Variants in CYRIA observed in about 807,000 individuals in gnomAD.
CYRIA encodes CYFIP related Rac1 interactor A.
Under a neutral mutation model 43.9 loss-of-function variants are expected in CYRIA, and 15 were observed. The ratio of observed to expected loss-of-function variants is 0.34; its 90% CI spans 0.23 to 0.53. The LOEUF (loss-of-function observed/expected upper bound fraction) is 0.53. CYRIA is among the 20% of genes least tolerant of loss of function. CYRIA has a pLI of 0.94. For synonymous variants in CYRIA, 117 were observed against 136.0 expected (o/e 0.86, Z 0.97); for missense variants, 236 against 394.2 (o/e 0.60, Z 3.40).
At chr2:16,572,710 T>A (rs1397828532) in intron 3 of CYRIA, among the ~76,000 whole-genome samples, 1 of 152,218 alleles carries the variant, frequency 6.6e-6, no homozygotes, top group African/African-American at 2.4e-5. Context: ...CTTTAGAATT[T>A]CTTTCTTTAC....
chr2:16,562,891 C>T (rs1381680028), intron 5 of CYRIA, among the ~76,000 whole-genome samples: 1 of 152,126 alleles, frequency 6.6e-6, no homozygotes, highest in African/African-American at 2.4e-5. Context: ...ATGAGAGTGG[C>T]AGAGGCGAGT....
intron 3 of CYRIA, among the ~76,000 whole-genome samples, chr2:16,575,774 T>C (rs1167449181): frequency 6.6e-6 from 1 of 151,908 alleles, no homozygotes; most frequent in Admixed American, 6.6e-5. Context: ...GAGAATGGCG[T>C]GAACCCAGGA....
At chr2:16,628,939 G>T (rs75836086) in intron 1 of CYRIA, among the ~76,000 whole-genome samples, 4 of 152,116 alleles carry the variant, frequency 2.6e-5, no homozygotes, top group Non-Finnish European at 4.4e-5. Context: ...AGAAGGCAGG[G>T]TGTCACTAAT....
rs376957953 is a variant in CYRIA at position 16,593,715 on chromosome 2, TGTG to T, written c.-10-5589_-10-5587del. The stretch of plus-strand genomic sequence containing the variant: ...GTGTGTGTGTTTTTTTTTGTGTGTG[TGTG>T]TTTTTTTTTTTTTTTTTTTTATTAT... On this transcript the variant is annotated intron_variant, in intron 2 of 11. Coordinates refer to ENST00000381323, the MANE Select transcript of CYRIA (RefSeq NM_030797.4). 1.2e-3 allele frequency among the ~76,000 whole-genome samples: 103 copies of T among 83,164 alleles called. 4 individuals are homozygous for T. Among genetic ancestry groups the T allele is most frequent in the African/African-American group, 3.2e-3 (66 of 20,454 alleles). 54.6% of individuals were successfully genotyped at this position (83,164 alleles called of 152,430 possible).
chr2:16,623,371 G>T (rs1669061206), intron 2 of CYRIA, among the ~76,000 whole-genome samples: 1 of 152,252 alleles, frequency 6.6e-6, no homozygotes, highest in Admixed American at 6.5e-5. Context: ...GGTCAGGAAA[G>T]CGGGTGATGA....
intron 2 of CYRIA, among the ~76,000 whole-genome samples, chr2:16,592,758 T>G (rs1451300624): frequency 2.6e-5 from 4 of 152,130 alleles, no homozygotes; most frequent in African/African-American, 7.2e-5. Flanking sequence ...CTCTTTGTCT[T>G]GACTCTCTCT....
chr2:16,589,438 C>T (rs1205796054), intron 2 of CYRIA, among the ~76,000 whole-genome samples: 1 of 151,956 alleles, frequency 6.6e-6, no homozygotes, highest in Non-Finnish European at 1.5e-5. Context: ...ACATACTCCC[C>T]GATATAAATC....
At chr2:16,626,239 A>T (rs1669159976) in intron 1 of CYRIA, among the ~76,000 whole-genome samples, 1 of 152,172 alleles carries the variant, frequency 6.6e-6, no homozygotes, top group African/African-American at 2.4e-5. Flanking sequence ...AGAGCCCGTA[A>T]GCCATCACAT....
At chr2:16,654,655 C>T (rs1353955522) in intron 1 of CYRIA, among the ~76,000 whole-genome samples, 7 of 152,148 alleles carry the variant, frequency 4.6e-5, no homozygotes, top group Non-Finnish European at 7.3e-5. Context: ...AAAAAACCTT[C>T]TTAGCTTCAT....
intron 1 of CYRIA, among the ~76,000 whole-genome samples, chr2:16,663,422 T>C (rs1362536329): frequency 6.6e-6 from 1 of 152,054 alleles, no homozygotes; most frequent in African/African-American, 2.4e-5. Flanking sequence ...CATGGCAATG[T>C]GAAGGGACTG....
intron 10 of CYRIA, 73 bp downstream of exon 10, chr2:16,559,387 T>C: frequency 6.5e-7 from 1 of 1,547,166 alleles, no homozygotes; most frequent in Non-Finnish European, 8.7e-7. Flanking sequence ...CTGAGGTGCC[T>C]GAGGAAGAAA....
intron 2 of CYRIA, among the ~76,000 whole-genome samples, chr2:16,620,735 C>T (rs1668964013): frequency 6.6e-6 from 1 of 152,158 alleles, no homozygotes; most frequent in African/African-American, 2.4e-5. Flanking sequence ...AAGTGAGTCC[C>T]TTGGTCTCTC....
rs1381399547 is a variant in CYRIA at position 16,624,019 on chromosome 2, G to T, written c.-166C>A. On this transcript the variant is annotated splice_region_variant and 5_prime_UTR_variant, in exon 2 of 12. Transcript: ENST00000381323. Reference sequence around the variant, plus strand: ...TCTGTCCTTAAGATGGTGGTACCCTGCTAAAAAGGGAATGCAAGTCATGTT... The same window carrying T: ...TCTGTCCTTAAGATGGTGGTACCCTTCTAAAAAGGGAATGCAAGTCATGTT... The T allele has an allele frequency of 3.3e-5, 5 of 152,188 alleles. No individual in the cohort carries two copies. The highest frequency in any genetic ancestry group is 1.2e-4 in the African/African-American group (5 of 41,446). 9.4% of individuals were successfully genotyped at this position (152,188 alleles called of 1,614,324 possible).
chr2:16,556,485 G>A (rs1666528117), intron 10 of CYRIA, among the ~76,000 whole-genome samples: 1 of 152,124 alleles, frequency 6.6e-6, no homozygotes, highest in Admixed American at 6.5e-5. Flanking sequence ...GATGTGGAAG[G>A]GGTGGAAGAG....
intron 1 of CYRIA, among the ~76,000 whole-genome samples, chr2:16,627,629 C>A (rs1669211574): frequency 2.0e-5 from 3 of 152,162 alleles, no homozygotes; most frequent in Admixed American, 6.5e-5. Context: ...CTTAAGCAGT[C>A]TGGCTCAAAT....
At chr2:16,577,242 T>TA (rs771164417) in intron 3 of CYRIA, among the ~76,000 whole-genome samples, 11 of 152,076 alleles carry the variant, frequency 7.2e-5, no homozygotes, top group South Asian at 2.1e-4. Context: ...CTTATTAAGG[T>TA]AAAAAAACCT....
At chr2:16,560,413 T>A (rs927185286) in intron 9 of CYRIA, among the ~76,000 whole-genome samples, 1 of 152,134 alleles carries the variant, frequency 6.6e-6, no homozygotes, top group Non-Finnish European at 1.5e-5. Context: ...AACCCGAGGC[T>A]CAGGAAGTCA....
At chr2:16,651,822 T>C (rs1385562275) in intron 1 of CYRIA, among the ~76,000 whole-genome samples, 1 of 152,114 alleles carries the variant, frequency 6.6e-6, no homozygotes, top group African/African-American at 2.4e-5. Flanking sequence ...ACTTGTAATA[T>C]GCAGTTGAAT....
In CYRIA at chr2:16,627,267, C is replaced by T. The variant is rs958130351; in HGVS notation, c.-166-3248G>A. ...CCCCAAAGACTGTGTCCCCACCCTC[C>T]GGGGTGGGCAATCAAGGGACCCAAA... is the stretch of plus-strand genomic sequence containing the variant. On this transcript the variant is annotated intron_variant, in intron 1 of 11. Transcript: ENST00000381323. Among the ~76,000 whole-genome samples the T allele has an allele frequency of 4.6e-5, 7 of 152,214 alleles. No individual in the cohort carries two copies. The East Asian group carries it at 5.8e-4, about 13-fold the overall frequency.
Sources: gnomAD v4.1 joint callset for allele counts (sites outside exome capture counted in the v4.1 genomes callset) on GRCh38, gnomAD v4.1.1 for gene constraint, MANE v1.5 for transcripts, NCBI Gene and HGNC (gene_info 2026-07-23, HGNC 2026-07-21) for gene names.